Variants in MICAL3 observed in about 807,000 individuals in gnomAD.
The protein encoded by MICAL3 is [F-actin]-monooxygenase MICAL3.
MICAL3 carries 62 observed loss-of-function variants against 207.4 expected under a neutral mutation model. That is an observed-to-expected ratio of 0.30 (90% CI 0.24 to 0.37). MICAL3 has a LOEUF of 0.37. MICAL3 is among the 10% of genes least tolerant of loss of function. The probability of loss-of-function intolerance (pLI) is 1.00; values close to 1 mark genes in which losing one functional copy is unlikely to be tolerated. For synonymous variants in MICAL3, 1,077 were observed against 1,069.3 expected (o/e 1.01, Z -0.14); for missense variants, 2,368 against 2,635.6 (o/e 0.90, Z 2.22).
chr22:17,833,784 A>G lies in MICAL3; in HGVS notation c.2802-1677T>C, dbSNP rs1400310874. On this transcript the variant is annotated intron_variant, in intron 20 of 31. Coordinates refer to ENST00000441493, the MANE Select transcript of MICAL3 (RefSeq NM_015241.3). Reference sequence around the variant, plus strand: ...ATAATCAATCAATCATTGCCTATGTAATAAAAACTCCAAACACAGGGTCTT... The same window carrying G: ...ATAATCAATCAATCATTGCCTATGTGATAAAAACTCCAAACACAGGGTCTT... Among the ~76,000 whole-genome samples, 5 of 152,172 alleles carry G rather than the reference A, an allele frequency of 3.3e-5. No homozygotes were observed. In the South Asian group the frequency reaches 1.0e-3, roughly 32 times the overall value.
At chr22:18,018,777 C>T (rs2401499) in intron 1 of MICAL3, among the ~76,000 whole-genome samples, 28,387 of 151,904 alleles carry the variant, frequency 0.19, 3,196 homozygotes, top group East Asian at 0.37. Context: ...TCTACACACA[C>T]ACACACATAC....
intron 7 of MICAL3, among the ~76,000 whole-genome samples, chr22:17,897,206 T>A (rs1380272228): frequency 6.6e-6 from 1 of 152,020 alleles, no homozygotes; most frequent in East Asian, 1.9e-4. Flanking sequence ...GCAGATCACT[T>A]GAGGACGTGA....
At chr22:18,013,395 C>A (rs1923865661) in intron 1 of MICAL3, among the ~76,000 whole-genome samples, 1 of 152,170 alleles carries the variant, frequency 6.6e-6, no homozygotes, top group African/African-American at 2.4e-5. Context: ...GTCATTACTC[C>A]TGTTTTAGTA....
chr22:17,958,596 T>C (rs556138306), intron 1 of MICAL3, among the ~76,000 whole-genome samples: 403 of 152,152 alleles, frequency 2.6e-3, no homozygotes, highest in Non-Finnish European at 4.3e-3. Flanking sequence ...GAGTGGACCA[T>C]AGCACCAACA....
At chr22:17,868,592 C>T (rs1927386711) in intron 17 of MICAL3, among the ~76,000 whole-genome samples, 1 of 152,174 alleles carries the variant, frequency 6.6e-6, no homozygotes, top group Non-Finnish European at 1.5e-5. Flanking sequence ...GTGGTAAACC[C>T]AGCCTTGCTA....
intron 1 of MICAL3, among the ~76,000 whole-genome samples, chr22:17,949,137 G>C (rs1287944317): frequency 1.3e-5 from 2 of 151,972 alleles, no homozygotes; most frequent in Non-Finnish European, 2.9e-5. Flanking sequence ...TTGAGCCCAG[G>C]AGGTGGCGGT....
chr22:17,938,178 T>C (rs76640596), intron 1 of MICAL3, among the ~76,000 whole-genome samples: 1 of 152,162 alleles, frequency 6.6e-6, no homozygotes, highest in Admixed American at 6.5e-5. Context: ...AAACTCAGGA[T>C]AACAGGGTAA....
chr22:17,810,019 G>C (rs895447956), intron 28 of MICAL3, among the ~76,000 whole-genome samples: 1 of 149,614 alleles, frequency 6.7e-6, no homozygotes, highest in African/African-American at 2.5e-5. Flanking sequence ...CTCCCAAATA[G>C]CTGGGATTAC....
Position 17,865,996 on chromosome 22 carries a change from C to T in MICAL3, c.2445G>A (p.Lys815=), listed in dbSNP as rs1304245949. 2 of 1,613,840 alleles carry T rather than the reference C, an allele frequency of 1.2e-6. No individual in the cohort carries two copies. Among genetic ancestry groups the T allele is most frequent in the Admixed American group, 3.3e-5 (2 of 60,030 alleles). Residue 815 remains lysine (K), a synonymous_variant, in exon 18 of 32, where the codon AAG becomes AAA. Coordinates refer to ENST00000441493, the MANE Select transcript of MICAL3 (RefSeq NM_015241.3). ...CAGAGAGTCGATAGCAGTAGTGTGG[C>T]TTACAGTAGAATTTACCTGCAGACA... ...YDIEDGKFYC[K]PHYCYRLSGY...
chr22:17,836,810 A>G (rs1244015534), intron 20 of MICAL3, among the ~76,000 whole-genome samples: 1 of 151,980 alleles, frequency 6.6e-6, no homozygotes, highest in African/African-American at 2.4e-5. Flanking sequence ...CGCCTGGCTA[A>G]TTTTTTGTAC....
rs1290930521 is a variant in MICAL3, at chr22:17,823,075, G to A, written c.3194-15C>T. On this transcript the variant is annotated splice_polypyrimidine_tract_variant and intron_variant, in intron 22 of 31. Coordinates refer to ENST00000441493, the MANE Select transcript of MICAL3 (RefSeq NM_015241.3). ...ATCCAATGGGGCTGCAAAGCAGAAA[G>A]GTTCAAAGGAAGGAAGAAAAGGAGG... 1 of 1,541,684 alleles carries A rather than the reference G, an allele frequency of 6.5e-7. No individual in the cohort carries two copies. Among genetic ancestry groups the A allele is most frequent in the Admixed American group, 1.7e-5 (1 of 59,894 alleles).
intron 16 of MICAL3, chr22:17,884,160 C>A: frequency 1.7e-6 from 1 of 603,898 alleles, no homozygotes; most frequent in Non-Finnish European, 2.8e-6. Flanking sequence ...GCAGAGATTT[C>A]CTGCCCTCAT....
At chr22:17,891,012 T>C (rs374022659) in intron 12 of MICAL3, among the ~76,000 whole-genome samples, 1 of 152,228 alleles carries the variant, frequency 6.6e-6, no homozygotes, top group Non-Finnish European at 1.5e-5. Context: ...CCATCATAAA[T>C]TGGTCAACTG....
In MICAL3 at chr22:17,886,126, C is replaced by G. The variant is rs548101064; in HGVS notation, c.2068-75G>C. 282 of 1,509,046 alleles carry G rather than the reference C, an allele frequency of 1.9e-4. 1 individual carries two copies. Among genetic ancestry groups the G allele is most frequent in the Middle Eastern group, 1.8e-3 (8 of 4,554 alleles). 93.5% of individuals were successfully genotyped at this position (1,509,046 alleles called of 1,614,324 possible). On this transcript the variant is annotated intron_variant, in intron 15 of 31. Coordinates refer to ENST00000441493, the MANE Select transcript of MICAL3 (RefSeq NM_015241.3). Reference sequence around the variant, plus strand: ...CCCATGCCCCTCCCTCACAGAAGTGCACTCAGGACCTGGCATGGGGGCTGG... The same window carrying G: ...CCCATGCCCCTCCCTCACAGAAGTGGACTCAGGACCTGGCATGGGGGCTGG...
At chr22:18,004,830 A>G (rs1923274914) in intron 1 of MICAL3, 1 of 152,216 alleles carries the variant, frequency 6.6e-6, no homozygotes, top group South Asian at 2.1e-4. Flanking sequence ...TGCCCCCACC[A>G]TAACTCCACA....
chr22:17,877,284 GTTA>G (rs1928760763), intron 16 of MICAL3, among the ~76,000 whole-genome samples: 1 of 112,422 alleles, frequency 8.9e-6, no homozygotes, highest in Non-Finnish European at 1.8e-5. Flanking sequence ...GGTTAGGGAG[GTTA>G]TGGAGGTTAG....
In MICAL3 at chr22:17,820,923, T is replaced by G. The variant is rs541059407; in HGVS notation, c.3531+504A>C. On this transcript the variant is annotated intron_variant, in intron 25 of 31. Coordinates refer to ENST00000441493, the MANE Select transcript of MICAL3 (RefSeq NM_015241.3). ...TTTAATAAATTTATATTTATAAACA[T>G]AAATTTTAATAAATTTATGTTTATA... 2.8e-4 allele frequency among the ~76,000 whole-genome samples: 40 copies of G among 141,822 alleles called. No homozygotes were observed. In the South Asian group the frequency reaches 7.1e-3, roughly 25 times the overall value. 93.0% of individuals were successfully genotyped at this position (141,822 alleles called of 152,430 possible). A position where few individuals can be genotyped will look rare whatever the true frequency, so the allele number is the denominator to read the frequency against.
intron 1 of MICAL3, among the ~76,000 whole-genome samples, chr22:17,941,060 A>T (rs537612311): frequency 3.9e-4 from 59 of 152,288 alleles, no homozygotes; most frequent in Admixed American, 8.5e-4. Flanking sequence ...AGGCCACGGG[A>T]TGAATGGGCC....
intron 17 of MICAL3, among the ~76,000 whole-genome samples, chr22:17,869,674 G>A (rs942880552): frequency 6.6e-6 from 1 of 152,192 alleles, no homozygotes; most frequent in East Asian, 1.9e-4. Context: ...TACTAGTATG[G>A]AGTTGGCAGC....
Sources: gnomAD v4.1 joint callset for allele counts (sites outside exome capture counted in the v4.1 genomes callset) on GRCh38, gnomAD v4.1.1 for gene constraint, MANE v1.5 for transcripts, NCBI Gene and HGNC (gene_info 2026-07-23, HGNC 2026-07-21) for gene names.